The following SEMA3E variants were observed in gnomAD, a reference collection of about 807,000 sequenced individuals.
SEMA3E encodes the protein semaphorin 3E, also known as semaphorin-3E.
SEMA3E carries 49 observed loss-of-function variants against 93.6 expected under a neutral mutation model. The ratio of observed to expected loss-of-function variants is 0.52; its 90% CI spans 0.42 to 0.66. SEMA3E has a LOEUF of 0.66. Ranked by LOEUF, SEMA3E falls within the 30% of genes least tolerant of loss-of-function variation. SEMA3E has a pLI of 0.00. For synonymous variants in SEMA3E, 363 were observed against 330.7 expected (o/e 1.10, Z -1.06); for missense variants, 906 against 964.8 (o/e 0.94, Z 0.81).
At chr7:83,465,317 G>A (rs1434587500) in intron 4 of SEMA3E, among the ~76,000 whole-genome samples, 2 of 152,092 alleles carry the variant, frequency 1.3e-5, no homozygotes, top group African/African-American at 2.4e-5. Flanking sequence ...CTGCACCCAG[G>A]TGAAATAAAC....
intron 5 of SEMA3E, 96 bp from the exon 6 acceptor site, chr7:83,408,583 C>T: frequency 7.8e-7 from 1 of 1,285,922 alleles, no homozygotes; most frequent in Non-Finnish European, 1.1e-6. Context: ...ATAATATGTA[C>T]TTTATGACAT....
chr7:83,502,113 C>CA (rs1790608260), intron 1 of SEMA3E, among the ~76,000 whole-genome samples: 1 of 152,076 alleles, frequency 6.6e-6, no homozygotes, highest in East Asian at 1.9e-4. Flanking sequence ...TGGCTCTTGG[C>CA]AAAAACCTAG....
intron 1 of SEMA3E, among the ~76,000 whole-genome samples, chr7:83,634,029 A>C (rs1793834455): frequency 6.6e-6 from 1 of 152,212 alleles, no homozygotes; most frequent in Non-Finnish European, 1.5e-5. Context: ...CTAGACATTC[A>C]AAAATGAAGC....
intron 9 of SEMA3E, 86 bp downstream of exon 9, chr7:83,405,364 T>C: frequency 1.0e-6 from 1 of 975,654 alleles, no homozygotes; most frequent in Non-Finnish European, 1.6e-6. Context: ...GTCAATAGTC[T>C]TTCAACTTAT....
At chr7:83,535,796 T>A (rs1295710442) in intron 1 of SEMA3E, among the ~76,000 whole-genome samples, 1 of 152,108 alleles carries the variant, frequency 6.6e-6, no homozygotes, top group Non-Finnish European at 1.5e-5. Flanking sequence ...AATAAAGATC[T>A]TGTAAATAGT....
At chr7:83,370,136 C>A (rs1584196769) in intron 16 of SEMA3E, among the ~76,000 whole-genome samples, 1 of 152,172 alleles carries the variant, frequency 6.6e-6, no homozygotes, top group East Asian at 1.9e-4. Context: ...TACTTTTATT[C>A]CTTTGTTTCA....
chr7:83,553,153 G>A (rs1393014418), intron 1 of SEMA3E, among the ~76,000 whole-genome samples: 2 of 152,116 alleles, frequency 1.3e-5, no homozygotes, highest in Non-Finnish European at 2.9e-5. Context: ...GCGGCCCATC[G>A]GTAAAATTCC....
At chr7:83,572,922 G>GA (rs1440588312) in intron 1 of SEMA3E, among the ~76,000 whole-genome samples, 27 of 151,508 alleles carry the variant, frequency 1.8e-4, no homozygotes, top group Non-Finnish European at 2.8e-4. Flanking sequence ...TAAATTACTA[G>GA]AAAAAACAAA....
intron 5 of SEMA3E, among the ~76,000 whole-genome samples, chr7:83,415,498 G>A (rs112174788): frequency 6.6e-5 from 10 of 152,030 alleles, no homozygotes; most frequent in South Asian, 2.1e-4. Context: ...ATCCTTTGTC[G>A]CATAGAATTA....
intron 1 of SEMA3E, among the ~76,000 whole-genome samples, chr7:83,516,140 A>G (rs1790922942): frequency 6.6e-6 from 1 of 152,194 alleles, no homozygotes; most frequent in Admixed American, 6.5e-5. Context: ...ATAGCATCAT[A>G]AATCAACCAT....
intron 12 of SEMA3E, among the ~76,000 whole-genome samples, chr7:83,396,041 ATG>A (rs3043167): frequency 0.16 from 23,129 of 148,986 alleles, 1,988 homozygotes; most frequent in African/African-American, 0.23. Context: ...ATACGACTTG[ATG>A]TGTGTGTGTG....
rs781466958 is a variant in SEMA3E at position 83,445,839 on chromosome 7, AAGAG to A, written c.456+20639_456+20642del. Among the ~76,000 whole-genome samples, 422 of 152,266 alleles carry A rather than the reference AAGAG, an allele frequency of 2.8e-3. 2 individuals carry two copies. The highest frequency in any genetic ancestry group is 8.4e-3 in the African/African-American group (351 of 41,572). On this transcript the variant is annotated intron_variant, in intron 4 of 16. Transcript: ENST00000643230. ...ACCAAATATTTAAATTTAGAAGTGA[AAGAG>A]AGAGGGAAGTTATGGACTTTTACTT...
intron 1 of SEMA3E, among the ~76,000 whole-genome samples, chr7:83,515,201 A>T (rs1030213592): frequency 6.6e-6 from 1 of 151,858 alleles, no homozygotes; most frequent in Non-Finnish European, 1.5e-5. Flanking sequence ...TCACTGCTCC[A>T]GGCACTGCAG....
chr7:83,576,989 G>A (rs1157169736), intron 1 of SEMA3E, among the ~76,000 whole-genome samples: 1 of 152,036 alleles, frequency 6.6e-6, no homozygotes, highest in Non-Finnish European at 1.5e-5. Context: ...GTGGTAATAA[G>A]TTTGCTTTAT....
rs988442836 is a variant in SEMA3E at position 83,627,991 on chromosome 7, A to G, written c.115+20437T>C. ...TTCCATATTTAGTGCTTCCTTCAGGAGCTCTTGTAAGGCAGGCCTGGTAGT... is the reference window on the plus strand; with the variant it reads ...TTCCATATTTAGTGCTTCCTTCAGGGGCTCTTGTAAGGCAGGCCTGGTAGT... On this transcript the variant is annotated intron_variant, in intron 1 of 16. Coordinates refer to ENST00000643230, the MANE Select transcript of SEMA3E (RefSeq NM_012431.3). Among the ~76,000 whole-genome samples, 4 of 151,852 alleles carry G rather than the reference A, an allele frequency of 2.6e-5. No homozygotes were observed. The South Asian group carries it at 6.2e-4, about 24-fold the overall frequency.
intron 4 of SEMA3E, among the ~76,000 whole-genome samples, chr7:83,434,495 A>T (rs537098308): frequency 6.6e-6 from 1 of 152,282 alleles, no homozygotes; most frequent in Admixed American, 6.5e-5. Context: ...TAACACAGCA[A>T]AACTGACTAG....
intron 4 of SEMA3E, among the ~76,000 whole-genome samples, chr7:83,459,242 T>C (rs1029368449): frequency 9.2e-5 from 14 of 151,828 alleles, no homozygotes; most frequent in African/African-American, 3.4e-4. Context: ...GGAATAAAGC[T>C]TTACATTAGA....
chr7:83,501,952 C>A (rs889834496), intron 1 of SEMA3E, among the ~76,000 whole-genome samples: 3 of 151,948 alleles, frequency 2.0e-5, no homozygotes, highest in Non-Finnish European at 4.4e-5. Flanking sequence ...CTATCTTGAC[C>A]CCCAAATCCA....
At chr7:83,571,058 C>T (rs1001570278) in intron 1 of SEMA3E, among the ~76,000 whole-genome samples, 1 of 148,790 alleles carries the variant, frequency 6.7e-6, no homozygotes, top group Admixed American at 6.7e-5. Flanking sequence ...GAAATGGAAT[C>T]TGTAATAAAA....
Sources: allele counts gnomAD v4.1 joint callset (sites outside exome capture counted in the v4.1 genomes callset), GRCh38; gene constraint gnomAD v4.1.1; transcripts MANE v1.5; gene names NCBI Gene and HGNC (gene_info 2026-07-23, HGNC 2026-07-21).